Variants in ACRV1 observed in about 807,000 individuals in gnomAD.
ACRV1 encodes the protein acrosomal vesicle protein 1.
ACRV1 carries 17 observed loss-of-function variants against 29.2 expected under a neutral mutation model. The ratio of observed to expected loss-of-function variants is 0.58; its 90% CI spans 0.40 to 0.87. ACRV1 has a LOEUF of 0.87. Ranked by LOEUF, ACRV1 falls within the 40% of genes least tolerant of loss-of-function variation. The pLI is 0.00. For synonymous variants in ACRV1, 98 were observed against 111.6 expected (o/e 0.88, Z 0.77); for missense variants, 294 against 316.0 (o/e 0.93, Z 0.53).
rs1942514673 is a variant in ACRV1, at chr11:125,676,459, G to A, written c.573C>T (p.Tyr191=). The A allele has an allele frequency of 6.2e-7, 1 of 1,614,152 alleles. No individual in the cohort carries two copies. Among genetic ancestry groups the A allele is most frequent in the Admixed American group, 1.7e-5 (1 of 60,022 alleles). ...STSTGTILNC[Y]TCAYMNDQGK... ...CTTGATCATTCATATAAGCACATGTGTAGCAATTTAATATTGTGCCTGAAA... is the reference window on the plus strand; with the variant it reads ...CTTGATCATTCATATAAGCACATGTATAGCAATTTAATATTGTGCCTGAAA... Residue 191 remains tyrosine, a synonymous_variant, in exon 3 of 4, where the codon TAC becomes TAT. Transcript: ENST00000533904.
At chr11:125,675,620 A>G (rs183385805) in intron 3 of ACRV1, among the ~76,000 whole-genome samples, 14 of 152,350 alleles carry the variant, frequency 9.2e-5, no homozygotes, top group African/African-American at 2.9e-4. Flanking sequence ...GAATATACTC[A>G]GACTGGTCTG....
chr11:125,672,378 T>C lies in ACRV1; in HGVS notation c.*215A>G. 1.9e-6 allele frequency: 1 copy of C among 517,834 alleles called. No individual in the cohort carries two copies. Among genetic ancestry groups the C allele is most frequent in the Non-Finnish European group, 3.3e-6 (1 of 304,402 alleles). 32.1% of individuals were successfully genotyped at this position (517,834 alleles called of 1,614,324 possible). A position where few individuals can be genotyped will look rare whatever the true frequency, so the allele number is the denominator to read the frequency against. On this transcript the variant is annotated 3_prime_UTR_variant, in exon 4 of 4. Coordinates refer to ENST00000533904, the MANE Select transcript of ACRV1 (RefSeq NM_001612.6). ...TTATTGAAAAAAAAATCAGGAATATTGAGAGAAAGAGTTGGAGCAGGGAAG... is the reference window on the plus strand; with the variant it reads ...TTATTGAAAAAAAAATCAGGAATATCGAGAGAAAGAGTTGGAGCAGGGAAG...
At chr11:125,677,133 A>G (rs1942548533) in intron 2 of ACRV1, among the ~76,000 whole-genome samples, 1 of 152,216 alleles carries the variant, frequency 6.6e-6, no homozygotes, top group South Asian at 2.1e-4. Context: ...GTGACATTGG[A>G]CATATTACAT....
chr11:125,677,266 C>T (rs936880485), intron 2 of ACRV1, among the ~76,000 whole-genome samples: 1 of 152,190 alleles, frequency 6.6e-6, no homozygotes, highest in African/African-American at 2.4e-5. Flanking sequence ...TTTCCCAGAA[C>T]AAACCCTTTT....
In ACRV1 at chr11:125,672,498, T is replaced by G; in HGVS notation, c.*95A>C. ...CTCAGGCAGAGGCAGATGTGGTCAG[T>G]TGTTGACTGGGGAAGGAACTAAATA... is the stretch of plus-strand genomic sequence containing the variant. On this transcript the variant is annotated 3_prime_UTR_variant, in exon 4 of 4. Transcript: ENST00000533904. 1.4e-6 allele frequency: 2 copies of G among 1,465,338 alleles called. No homozygotes were observed. The allele number at this position is 1,465,338 out of a possible 1,614,324, so 90.8% of individuals were successfully genotyped here. A position where few individuals can be genotyped will look rare whatever the true frequency, so the allele number is the denominator to read the frequency against.
chr11:125,675,011 T>C (rs1942421507), intron 3 of ACRV1, among the ~76,000 whole-genome samples: 1 of 152,216 alleles, frequency 6.6e-6, no homozygotes, highest in Non-Finnish European at 1.5e-5. Flanking sequence ...ACCATTGCTG[T>C]ATGACTAAAT....
chr11:125,674,102 C>T (rs1227732673), intron 3 of ACRV1, among the ~76,000 whole-genome samples: 1 of 152,044 alleles, frequency 6.6e-6, no homozygotes, highest in Non-Finnish European at 1.5e-5. Flanking sequence ...TGAGATCGCG[C>T]CACTGCACTC....
chr11:125,677,906 A>C lies in ACRV1; in HGVS notation c.444T>G (p.His148Gln). The change falls in exon 2 of 4, where the codon CAT becomes CAG. Residue 148 changes from histidine to glutamine, a missense_variant. His to Gln is a conservative substitution (Grantham distance 24, BLOSUM62 0). Coordinates refer to ENST00000533904, the MANE Select transcript of ACRV1 (RefSeq NM_001612.6). ...CACCAGAAGGCTGTTCACCGGAGCCATGTTCACCTGAAGGCTGTTCATCTG... is the reference window on the plus strand; with the variant it reads ...CACCAGAAGGCTGTTCACCGGAGCCCTGTTCACCTGAAGGCTGTTCATCTG... ...QPSDEQPSGEHGSGEQPSGEQ... is the reference protein window; with the variant it reads ...QPSDEQPSGEQGSGEQPSGEQ... The C allele has an allele frequency of 1.9e-6, 3 of 1,613,946 alleles. No individual in the cohort carries two copies. The highest frequency in any genetic ancestry group is 2.5e-6 in the Non-Finnish European group (3 of 1,179,964).
chr11:125,674,839 T>C (rs1424734725), intron 3 of ACRV1, among the ~76,000 whole-genome samples: 1 of 152,244 alleles, frequency 6.6e-6, no homozygotes, highest in African/African-American at 2.4e-5. Context: ...TCTTTTTAAC[T>C]GACACTGAAG....
At position 125,672,240 on chromosome 11, in the gene ACRV1, C is replaced by A. The variant is rs74524543; in HGVS notation, c.*353G>T. ...CTTTCATAAATATGGAATGCTTAAA[C>A]AATGCACCCAGTTTAGTGTCGGTGT... On this transcript the variant is annotated 3_prime_UTR_variant, in exon 4 of 4. Coordinates refer to ENST00000533904, the MANE Select transcript of ACRV1 (RefSeq NM_001612.6). 14,061 of 193,746 alleles carry A rather than the reference C, an allele frequency of 0.073. 631 individuals are homozygous for A. Among genetic ancestry groups the A allele is most frequent in the African/African-American group, 0.13 (5,420 of 42,244 alleles). The allele number at this position is 193,746 out of a possible 1,614,324, so 12.0% of individuals were successfully genotyped here. A position where few individuals can be genotyped will look rare whatever the true frequency, so the allele number is the denominator to read the frequency against.
At chr11:125,677,678 GTT>G (rs1942576337) in intron 2 of ACRV1, 117 bp downstream of exon 2, 1 of 1,350,918 alleles carries the variant, frequency 7.4e-7, no homozygotes, top group East Asian at 2.4e-5. Context: ...TGAGAGAGCT[GTT>G]TGTGAAGTGT....
Position 125,672,534 on chromosome 11 carries a change from CA to C in ACRV1, c.*58del. 1.3e-6 allele frequency: 2 copies of C among 1,598,582 alleles called. No individual in the cohort carries two copies. Among genetic ancestry groups the C allele is most frequent in the Non-Finnish European group, 8.5e-7 (1 of 1,173,658 alleles). On this transcript the variant is annotated 3_prime_UTR_variant, in exon 4 of 4. Coordinates refer to ENST00000533904, the MANE Select transcript of ACRV1 (RefSeq NM_001612.6). The stretch of plus-strand genomic sequence containing the variant: ...GGAAGGAACTAAATATAAAATGAGC[CA>C]AATAGAGTGATGGAGGCTTTTTACT...
At chr11:125,676,094 G>A in intron 3 of ACRV1, 1 of 333,274 alleles carries the variant, frequency 3.0e-6, no homozygotes, top group Non-Finnish European at 5.7e-6. Flanking sequence ...TTTTAGTAGA[G>A]ATGGGGTTTT....
In ACRV1 at chr11:125,678,978, T is replaced by TATATATATATATATATATATA. The variant is rs1555078666; in HGVS notation, c.53-682_53-681insTATATATATATATATATATAT. Among the ~76,000 whole-genome samples, 217 of 88,362 alleles carry TATATATATATATATATATATA rather than the reference T, an allele frequency of 2.5e-3. 5 individuals carry two copies. The highest frequency in any genetic ancestry group is 8.0e-3 in the African/African-American group (185 of 23,008). The allele number at this position is 88,362 out of a possible 152,430, so 58.0% of individuals were successfully genotyped here. On this transcript the variant is annotated intron_variant, in intron 1 of 3. Transcript: ENST00000533904. Reference sequence around the variant, plus strand: ...GTAAAAAAAAAAAAGTCTAGGCATATTATATATATATATATATATAGACAC... The same window carrying TATATATATATATATATATATA: ...GTAAAAAAAAAAAAGTCTAGGCATATATATATATATATATATATATATATATATATATATATATATAGACAC...
At chr11:125,676,648 A>G (rs542423059) in intron 2 of ACRV1, among the ~76,000 whole-genome samples, 170 bp from the exon 3 acceptor site, 55 of 152,022 alleles carry the variant, frequency 3.6e-4, no homozygotes, top group Non-Finnish European at 5.0e-4. Context: ...GCCAGAGGAA[A>G]TTCCTTCATT....
At chr11:125,673,591 C>T (rs1942321215) in intron 3 of ACRV1, among the ~76,000 whole-genome samples, 1 of 152,146 alleles carries the variant, frequency 6.6e-6, no homozygotes, top group Admixed American at 6.5e-5. Flanking sequence ...TTTCTGCTCT[C>T]CCAAGTTGAA....
At chr11:125,680,256 G>A (rs191671354) in intron 1 of ACRV1, among the ~76,000 whole-genome samples, 1 of 152,308 alleles carries the variant, frequency 6.6e-6, no homozygotes, top group East Asian at 1.9e-4. Flanking sequence ...CAGAAAACCT[G>A]ATTGATATAA....
At chr11:125,675,292 C>A (rs1306680710) in intron 3 of ACRV1, among the ~76,000 whole-genome samples, 1 of 152,204 alleles carries the variant, frequency 6.6e-6, no homozygotes, top group Non-Finnish European at 1.5e-5. Context: ...TCCCTGAACT[C>A]TCTGCACTTT....
In ACRV1 at chr11:125,673,278, C is replaced by A. The variant is rs565505180; in HGVS notation, c.674-561G>T. Among the ~76,000 whole-genome samples, 299 of 151,566 alleles carry A rather than the reference C, an allele frequency of 2.0e-3. 1 individual carries two copies. The highest frequency in any genetic ancestry group is 7.0e-3 in the African/African-American group (288 of 41,288). ...GGAGTGCAGTGGTGCAACCTCAGCT[C>A]ACCGCAGCCTCCACCTCCCAGGTTC... is the stretch of plus-strand genomic sequence containing the variant. On this transcript the variant is annotated intron_variant, in intron 3 of 3. Coordinates refer to ENST00000533904, the MANE Select transcript of ACRV1 (RefSeq NM_001612.6).
Sources: allele counts gnomAD v4.1 joint callset (sites outside exome capture counted in the v4.1 genomes callset), GRCh38; gene constraint gnomAD v4.1.1; transcripts MANE v1.5; gene names NCBI Gene and HGNC (gene_info 2026-07-23, HGNC 2026-07-21).